WDFY2: variants seen among roughly 807,000 people sequenced by gnomAD.
The protein encoded by WDFY2 is WD repeat and FYVE domain containing 2.
WDFY2 carries 36 observed loss-of-function variants against 56.4 expected under a neutral mutation model. The ratio of observed to expected loss-of-function variants is 0.64; its 90% CI spans 0.49 to 0.84. The LOEUF (loss-of-function observed/expected upper bound fraction) is 0.84, where lower values mean the gene tolerates loss of function less well. Among genes scored for constraint, WDFY2 ranks in the 40% least tolerant of loss-of-function variants. The probability of loss-of-function intolerance (pLI) is 0.00; values close to 1 mark genes in which losing one functional copy is unlikely to be tolerated. For missense variants in WDFY2, 444 were observed against 512.2 expected, an observed-to-expected ratio of 0.87 and a Z score of 1.29; for synonymous variants, 176 against 183.7, an observed-to-expected ratio of 0.96 and a Z score of 0.34.
At chr13:51,590,479 A>G (rs1256473716) in intron 1 of WDFY2, 1 of 152,354 alleles carries the variant, frequency 6.6e-6, no homozygotes, top group East Asian at 1.9e-4. Context: ...TGATGTCATT[A>G]GAAATAACAG....
chr13:51,754,645 G>A (rs1186114435), intron 8 of WDFY2, among the ~76,000 whole-genome samples: 1 of 152,148 alleles, frequency 6.6e-6, no homozygotes, highest in African/African-American at 2.4e-5. Flanking sequence ...TGAATTGCAT[G>A]CTCATATCTT....
At chr13:51,647,765 TAAAAA>T (rs528621325) in intron 1 of WDFY2, among the ~76,000 whole-genome samples, 1 of 102,734 alleles carries the variant, frequency 9.7e-6, no homozygotes, top group Non-Finnish European at 2.0e-5. Flanking sequence ...GTCTCTCTCT[TAAAAA>T]AAAAAAAAAA....
chr13:51,601,787 C>T (rs76902073), intron 1 of WDFY2, among the ~76,000 whole-genome samples: 3,132 of 152,242 alleles, frequency 0.021, 63 homozygotes, highest in Non-Finnish European at 0.033. Context: ...CTCCACCTCA[C>T]GATACAATGC....
At chr13:51,651,822 A>G (rs931422657) in intron 1 of WDFY2, among the ~76,000 whole-genome samples, 7 of 152,314 alleles carry the variant, frequency 4.6e-5, no homozygotes, top group Admixed American at 2.0e-4. Flanking sequence ...ACTTCCAACT[A>G]TGTGGTCAGT....
intron 6 of WDFY2, among the ~76,000 whole-genome samples, chr13:51,738,605 G>A (rs1403783611): frequency 1.3e-5 from 2 of 152,106 alleles, no homozygotes; most frequent in East Asian, 3.9e-4. Context: ...TGATATTGTG[G>A]CCTAATTAAA....
chr13:51,662,803 A>T (rs542062981), intron 2 of WDFY2, among the ~76,000 whole-genome samples: 42 of 152,338 alleles, frequency 2.8e-4, no homozygotes, highest in African/African-American at 9.6e-4. Context: ...ATGACTGAAC[A>T]AGAACTTTGA....
intron 1 of WDFY2, among the ~76,000 whole-genome samples, chr13:51,645,452 T>G (rs1169776284): frequency 6.6e-6 from 1 of 152,182 alleles, no homozygotes; most frequent in Non-Finnish European, 1.5e-5. Context: ...AAGCCTGATT[T>G]CAACATGGGT....
At chr13:51,647,863 G>A (rs1955290024) in intron 1 of WDFY2, among the ~76,000 whole-genome samples, 2 of 151,080 alleles carry the variant, frequency 1.3e-5, no homozygotes, top group South Asian at 2.1e-4. Flanking sequence ...CTATGTATGT[G>A]TATGCATGTA....
intron 2 of WDFY2, among the ~76,000 whole-genome samples, chr13:51,662,885 C>T (rs2138465158): frequency 6.6e-6 from 1 of 152,308 alleles, no homozygotes; most frequent in African/African-American, 2.4e-5. Context: ...AAAGGGATTA[C>T]TTTGCTATTC....
intron 4 of WDFY2, among the ~76,000 whole-genome samples, chr13:51,707,790 T>C (rs1379159184): frequency 6.6e-6 from 1 of 151,942 alleles, no homozygotes; most frequent in Non-Finnish European, 1.5e-5. Context: ...ATAATATATG[T>C]AAATTAAAAT....
intron 1 of WDFY2, 149 bp from the exon 2 acceptor site, chr13:51,660,447 A>G (rs573688553): frequency 3.7e-6 from 2 of 535,098 alleles, no homozygotes; most frequent in East Asian, 3.6e-5. Context: ...TGATACGCCT[A>G]CCTCGGCCTC....
At chr13:51,755,271 A>G (rs1953341582) in intron 8 of WDFY2, 87 bp from the exon 9 acceptor site, 8 of 1,245,164 alleles carry the variant, frequency 6.4e-6, no homozygotes, top group Non-Finnish European at 8.2e-6. Flanking sequence ...ACACATCCTG[A>G]TAGCTCCATA....
chr13:51,660,466 C>A, intron 1 of WDFY2, 130 bp from the exon 2 acceptor site: 1 of 686,106 alleles, frequency 1.5e-6, no homozygotes, highest in Non-Finnish European at 2.4e-6. Flanking sequence ...TCTCAAAGTG[C>A]TGGGACAGGC....
At chr13:51,705,513 G>A (rs907740715) in intron 4 of WDFY2, among the ~76,000 whole-genome samples, 16 of 151,538 alleles carry the variant, frequency 1.1e-4, no homozygotes, top group Non-Finnish European at 2.4e-4. Context: ...GCAGCCATGT[G>A]GAGCAATCAA....
At chr13:51,628,954 G>A (rs900560328) in intron 1 of WDFY2, among the ~76,000 whole-genome samples, 5 of 152,266 alleles carry the variant, frequency 3.3e-5, no homozygotes, top group Admixed American at 6.5e-5. Flanking sequence ...CATTTTGATG[G>A]TTTTAAACTA....
chr13:51,658,395 T>A (rs1221411048), intron 1 of WDFY2, among the ~76,000 whole-genome samples: 1 of 152,178 alleles, frequency 6.6e-6, no homozygotes, highest in Non-Finnish European at 1.5e-5. Flanking sequence ...AATCTCTCAA[T>A]GAATTTCCAG....
chr13:51,630,687 C>G (rs1328424647), intron 1 of WDFY2, among the ~76,000 whole-genome samples: 2 of 151,376 alleles, frequency 1.3e-5, no homozygotes, highest in Non-Finnish European at 2.9e-5. Context: ...TTTGGTCTTA[C>G]CCTTGGCTTT....
chr13:51,684,738 C>T (rs1168282740), intron 3 of WDFY2, among the ~76,000 whole-genome samples: 1 of 152,114 alleles, frequency 6.6e-6, no homozygotes, highest in African/African-American at 2.4e-5. Context: ...TGCCCATGGC[C>T]TGCTGACTTA....
intron 5 of WDFY2, among the ~76,000 whole-genome samples, chr13:51,727,405 T>C (rs2138653941): frequency 6.6e-6 from 1 of 152,320 alleles, no homozygotes; most frequent in East Asian, 1.9e-4. Context: ...CACTTCTGGC[T>C]ATAGAAAACA....
Sources: gnomAD v4.1 joint callset for allele counts (sites outside exome capture counted in the v4.1 genomes callset) on GRCh38, gnomAD v4.1.1 for gene constraint, MANE v1.5 for transcripts, NCBI Gene and HGNC (gene_info 2026-07-23, HGNC 2026-07-21) for gene names.